GATAD2B: variants seen among roughly 807,000 people sequenced by gnomAD.
GATAD2B encodes GATA zinc finger domain containing 2B.
GATAD2B carries 8 observed loss-of-function variants against 64.3 expected under a neutral mutation model. The ratio of observed to expected loss-of-function variants is 0.12; its 90% confidence interval spans 0.07 to 0.22. GATAD2B has a LOEUF of 0.22. Among genes scored for constraint, GATAD2B ranks in the 10% least tolerant of loss-of-function variants. GATAD2B has a pLI of 1.00. For missense variants in GATAD2B, 453 were observed against 752.0 expected (o/e 0.60, Z 4.65); for synonymous variants, 281 against 271.3 (o/e 1.04, Z -0.35).
At chr1:153,827,659 G>T (rs1674930857) in intron 2 of GATAD2B, 1 of 218,918 alleles carries the variant, frequency 4.6e-6, no homozygotes, top group Non-Finnish European at 8.9e-6. Context: ...TAAAACTCCT[G>T]GAATTATCTG....
chr1:153,839,100 C>T (rs1439651067), intron 1 of GATAD2B, among the ~76,000 whole-genome samples: 2 of 78,988 alleles, frequency 2.5e-5, no homozygotes, highest in Non-Finnish European at 4.3e-5. Context: ...CAGAACGAGA[C>T]CCTGTCTCAA....
chr1:153,895,488 G>A (rs1349647376), intron 1 of GATAD2B, among the ~76,000 whole-genome samples: 1 of 152,030 alleles, frequency 6.6e-6, no homozygotes, highest in Non-Finnish European at 1.5e-5. Context: ...GCTGATATGG[G>A]AGGATCACTT....
chr1:153,916,505 G>C (rs1257292304), intron 1 of GATAD2B, among the ~76,000 whole-genome samples: 3 of 152,162 alleles, frequency 2.0e-5, no homozygotes, highest in Admixed American at 2.0e-4. Context: ...TGTTGGAAAT[G>C]TTGAGTTTGA....
At chr1:153,834,618 G>A (rs563811917) in intron 1 of GATAD2B, among the ~76,000 whole-genome samples, 14 of 151,320 alleles carry the variant, frequency 9.3e-5, no homozygotes, top group Non-Finnish European at 2.1e-4. Flanking sequence ...TCGCACTCCC[G>A]ACCTCAGGTG....
At chr1:153,885,401 G>A (rs1315396662) in intron 1 of GATAD2B, among the ~76,000 whole-genome samples, 1 of 152,050 alleles carries the variant, frequency 6.6e-6, no homozygotes, top group African/African-American at 2.4e-5. Context: ...CTTCAAGTCA[G>A]TGACAAGTAA....
intron 1 of GATAD2B, among the ~76,000 whole-genome samples, chr1:153,877,612 T>C (rs1676877752): frequency 6.6e-6 from 1 of 151,612 alleles, no homozygotes; most frequent in African/African-American, 2.4e-5. Flanking sequence ...ACATGGTGGC[T>C]CATGCCTGTA....
intron 1 of GATAD2B, among the ~76,000 whole-genome samples, chr1:153,830,945 A>C (rs1045930809): frequency 6.6e-6 from 1 of 151,876 alleles, no homozygotes; most frequent in African/African-American, 2.4e-5. Flanking sequence ...CTAATTTTTT[A>C]GTTTTTTGTA....
intron 2 of GATAD2B, among the ~76,000 whole-genome samples, chr1:153,826,046 C>T (rs2101889587): frequency 6.6e-6 from 1 of 151,660 alleles, no homozygotes; most frequent in South Asian, 2.1e-4. Flanking sequence ...CTCTGTCGCC[C>T]AGGCTGGAGT....
chr1:153,911,986 T>C lies in GATAD2B; in HGVS notation c.-2+10747A>G, dbSNP rs554360879. Among the ~76,000 whole-genome samples the C allele has an allele frequency of 2.7e-3, 406 of 152,324 alleles. 3 individuals are homozygous for C. The highest frequency in any genetic ancestry group is 9.4e-3 in the African/African-American group (389 of 41,572). ...TGATAAAACTTTATCATATTCTATT[T>C]TACTCTCCCTGTAATTATCAAGTAT... On this transcript the variant is annotated intron_variant, in intron 1 of 10. Coordinates refer to ENST00000368655, the MANE Select transcript of GATAD2B (RefSeq NM_020699.4).
intron 2 of GATAD2B, among the ~76,000 whole-genome samples, chr1:153,821,708 T>C (rs942377520): frequency 6.6e-6 from 1 of 151,818 alleles, no homozygotes; most frequent in Non-Finnish European, 1.5e-5. Context: ...GGATTACAGG[T>C]ACCCGGCACC....
intron 1 of GATAD2B, among the ~76,000 whole-genome samples, chr1:153,869,040 C>A (rs552003301): frequency 1.3e-5 from 2 of 152,274 alleles, no homozygotes; most frequent in South Asian, 4.1e-4. Flanking sequence ...CGCCTGTAAT[C>A]CCAGCACTTT....
chr1:153,852,183 A>G, intron 1 of GATAD2B: 2 of 876,084 alleles, frequency 2.3e-6, no homozygotes, highest in East Asian at 4.9e-5. Flanking sequence ...TCTGAGACTC[A>G]GTCAGTTGAG....
In GATAD2B at chr1:153,833,468, T is replaced by C. The variant is rs116600522; in HGVS notation, c.-1-5120A>G. The stretch of plus-strand genomic sequence containing the variant: ...ATGTTGTTTTCATGTGGCTAACACA[T>C]CCACTCTACAGACCATGAATCAAGG... On this transcript the variant is annotated intron_variant, in intron 1 of 10. Coordinates refer to ENST00000368655, the MANE Select transcript of GATAD2B (RefSeq NM_020699.4). Among the ~76,000 whole-genome samples the C allele has an allele frequency of 6.0e-3, 918 of 152,274 alleles. 2 individuals carry two copies. Among genetic ancestry groups the C allele is most frequent in the Middle Eastern group, 0.017 (5 of 294 alleles).
In GATAD2B at chr1:153,916,308, G is replaced by A. The variant is rs569768094; in HGVS notation, c.-2+6425C>T. ...AAAAAAAAAAAGAAAAAGAGAGTAAGACTATAAACAGATGTGTAAGCGATC... is the reference window on the plus strand; with the variant it reads ...AAAAAAAAAAAGAAAAAGAGAGTAAAACTATAAACAGATGTGTAAGCGATC... On this transcript the variant is annotated intron_variant, in intron 1 of 10. Coordinates refer to ENST00000368655, the MANE Select transcript of GATAD2B (RefSeq NM_020699.4). Among the ~76,000 whole-genome samples the A allele has an allele frequency of 2.0e-5, 3 of 150,912 alleles. No homozygotes were observed. The East Asian group carries it at 5.8e-4, about 29-fold the overall frequency.
At chr1:153,835,703 A>AGACTACAGCAT (rs1182182964) in intron 1 of GATAD2B, among the ~76,000 whole-genome samples, 1 of 152,108 alleles carries the variant, frequency 6.6e-6, no homozygotes, top group Non-Finnish European at 1.5e-5. Context: ...AGCATAATGT[A>AGACTACAGCAT]AACATAACTT....
At chr1:153,889,673 C>T in intron 1 of GATAD2B, 12 of 833,300 alleles carry the variant, frequency 1.4e-5, no homozygotes, top group Non-Finnish European at 1.7e-5. Context: ...TTAAAATACA[C>T]TCACATGTTA....
intron 1 of GATAD2B, among the ~76,000 whole-genome samples, chr1:153,868,890 A>C (rs1456224401): frequency 6.6e-6 from 1 of 151,890 alleles, no homozygotes; most frequent in East Asian, 1.9e-4. Context: ...ACGCACCATC[A>C]CACCTGGCTA....
intron 1 of GATAD2B, chr1:153,853,143 A>G (rs759841268): frequency 1.9e-4 from 268 of 1,429,212 alleles, no homozygotes; most frequent in Non-Finnish European, 2.5e-4. Context: ...TCTCTCCTCA[A>G]TCCTGTCTAG....
At chr1:153,922,067 G>C (rs1267243734) in intron 1 of GATAD2B, 2 of 152,300 alleles carry the variant, frequency 1.3e-5, no homozygotes, top group African/African-American at 2.4e-5. Flanking sequence ...TGCCCACATA[G>C]CCTGAGACAA....
Sources: gnomAD v4.1 joint callset for allele counts (sites outside exome capture counted in the v4.1 genomes callset) on GRCh38, gnomAD v4.1.1 for gene constraint, MANE v1.5 for transcripts, NCBI Gene and HGNC (gene_info 2026-07-23, HGNC 2026-07-21) for gene names.